The following CDK14 variants were observed in gnomAD, a reference collection of about 807,000 sequenced individuals.
The protein encoded by CDK14 is cyclin dependent kinase 14, also known as cyclin-dependent kinase 14.
CDK14 carries 34 observed loss-of-function variants against 60.7 expected under a neutral mutation model. That is an observed-to-expected ratio of 0.56 (90% CI 0.43 to 0.75). The LOEUF (loss-of-function observed/expected upper bound fraction) is 0.75, where lower values mean the gene tolerates loss of function less well. Among genes scored for constraint, CDK14 ranks in the 30% least tolerant of loss-of-function variants. CDK14 has a pLI of 0.00. For synonymous variants in CDK14, 197 were observed against 203.7 expected (o/e 0.97, Z 0.28); for missense variants, 482 against 564.1 (o/e 0.85, Z 1.47).
intron 2 of CDK14, among the ~76,000 whole-genome samples, chr7:90,640,957 A>G (rs959380215): frequency 6.6e-6 from 1 of 152,172 alleles, no homozygotes; most frequent in African/African-American, 2.4e-5. Flanking sequence ...TGTTTCTTCA[A>G]AGAGGATATA....
intron 6 of CDK14, among the ~76,000 whole-genome samples, chr7:90,889,365 A>G (rs1269911976): frequency 1.3e-5 from 2 of 152,134 alleles, no homozygotes; most frequent in Non-Finnish European, 2.9e-5. Flanking sequence ...GTTTTAATGG[A>G]AGGGATTTTT....
intron 9 of CDK14, among the ~76,000 whole-genome samples, chr7:90,961,468 T>C (rs1794602100): frequency 6.6e-6 from 1 of 152,224 alleles, no homozygotes; most frequent in African/African-American, 2.4e-5. Context: ...ACTCATTTAT[T>C]ACTTTTGCTA....
chr7:90,937,621 G>A (rs1164456067), intron 8 of CDK14, among the ~76,000 whole-genome samples: 3 of 152,162 alleles, frequency 2.0e-5, no homozygotes, highest in African/African-American at 7.2e-5. Context: ...CTAGACCAGA[G>A]GTTGGTAAAC....
intron 8 of CDK14, among the ~76,000 whole-genome samples, chr7:90,933,493 A>G (rs1049234013): frequency 1.3e-5 from 2 of 152,196 alleles, no homozygotes; most frequent in Non-Finnish European, 2.9e-5. Flanking sequence ...TTTTCTATAT[A>G]ACAGTTCGAG....
chr7:90,648,474 TGGTATGGGAGGG>T (rs1280359272), intron 2 of CDK14, among the ~76,000 whole-genome samples: 1 of 152,112 alleles, frequency 6.6e-6, no homozygotes, highest in Non-Finnish European at 1.5e-5. Context: ...TCAGTCCTAT[TGGTATGGGAGGG>T]GGCTACACAG....
chr7:91,114,443 C>CA (rs1055122011), intron 13 of CDK14, among the ~76,000 whole-genome samples: 14 of 152,182 alleles, frequency 9.2e-5, no homozygotes, highest in African/African-American at 3.1e-4. Flanking sequence ...ATTAAAACCA[C>CA]AAAAAATACC....
At chr7:90,768,684 G>T (rs1406697874) in intron 4 of CDK14, among the ~76,000 whole-genome samples, 1 of 152,104 alleles carries the variant, frequency 6.6e-6, no homozygotes, top group Non-Finnish European at 1.5e-5. Flanking sequence ...ATACCGATTG[G>T]ATGCATATTT....
intron 2 of CDK14, among the ~76,000 whole-genome samples, chr7:90,624,366 AAAT>A (rs1473506776): frequency 6.6e-6 from 1 of 152,254 alleles, no homozygotes; most frequent in African/African-American, 2.4e-5. Context: ...CATTAATGAC[AAAT>A]AATGAGTCAC....
chr7:91,006,260 T>C (rs1303036856), intron 10 of CDK14, among the ~76,000 whole-genome samples: 1 of 152,268 alleles, frequency 6.6e-6, no homozygotes, highest in African/African-American at 2.4e-5. Flanking sequence ...CCATTGAAAC[T>C]ACCCTTCCCC....
At chr7:90,782,226 A>G (rs1044094756) in intron 4 of CDK14, among the ~76,000 whole-genome samples, 1 of 152,068 alleles carries the variant, frequency 6.6e-6, no homozygotes, top group Non-Finnish European at 1.5e-5. Flanking sequence ...TTTGTCTATT[A>G]TTGGTGTATA....
At chr7:91,076,487 A>C (rs150638443) in intron 11 of CDK14, among the ~76,000 whole-genome samples, 2 of 152,138 alleles carry the variant, frequency 1.3e-5, no homozygotes, top group Non-Finnish European at 2.9e-5. Flanking sequence ...TACACCTTAT[A>C]CAAAAATTAA....
intron 4 of CDK14, among the ~76,000 whole-genome samples, chr7:90,784,303 T>A (rs1805474876): frequency 6.6e-6 from 1 of 152,064 alleles, no homozygotes; most frequent in South Asian, 2.1e-4. Flanking sequence ...AGGGGTTGAT[T>A]AATAGGCACA....
intron 2 of CDK14, among the ~76,000 whole-genome samples, chr7:90,605,182 A>G (rs1164745670): frequency 2.0e-5 from 3 of 152,178 alleles, no homozygotes; most frequent in Non-Finnish European, 2.9e-5. Context: ...GCTCATGGAA[A>G]GTCCCCTTGG....
intron 10 of CDK14, among the ~76,000 whole-genome samples, chr7:91,010,975 A>T (rs1796144344): frequency 6.6e-6 from 1 of 151,644 alleles, no homozygotes; most frequent in Non-Finnish European, 1.5e-5. Context: ...TCAGGTGAAA[A>T]GCATTCCATC....
chr7:90,673,900 G>T (rs1801147907), intron 2 of CDK14, among the ~76,000 whole-genome samples: 1 of 152,106 alleles, frequency 6.6e-6, no homozygotes, highest in Admixed American at 6.5e-5. Flanking sequence ...ATTTTTCATA[G>T]ATATCAAGGA....
intron 11 of CDK14, among the ~76,000 whole-genome samples, chr7:91,071,587 T>A (rs1227036851): frequency 1.3e-5 from 2 of 152,202 alleles, no homozygotes; most frequent in Non-Finnish European, 2.9e-5. Flanking sequence ...GTCCCAACCA[T>A]GGAGCTGCTC....
intron 14 of CDK14, among the ~76,000 whole-genome samples, chr7:91,125,923 A>G (rs997689098): frequency 6.6e-6 from 1 of 152,200 alleles, no homozygotes; most frequent in African/African-American, 2.4e-5. Flanking sequence ...ACATATAATA[A>G]TTACTGTAAA....
At chr7:91,155,121 G>C (rs143639934) in intron 14 of CDK14, among the ~76,000 whole-genome samples, 1 of 152,176 alleles carries the variant, frequency 6.6e-6, no homozygotes, top group African/African-American at 2.4e-5. Flanking sequence ...GAAAAGTGAG[G>C]ATTGAGAGGA....
chr7:90,708,352 A>G (rs1801946749), intron 2 of CDK14, among the ~76,000 whole-genome samples: 1 of 152,152 alleles, frequency 6.6e-6, no homozygotes, highest in Admixed American at 6.6e-5. Context: ...AGGGATAACC[A>G]ATCACAAAAA....
Sources: gnomAD v4.1 joint callset for allele counts (sites outside exome capture counted in the v4.1 genomes callset) on GRCh38, gnomAD v4.1.1 for gene constraint, MANE v1.5 for transcripts, NCBI Gene and HGNC (gene_info 2026-07-23, HGNC 2026-07-21) for gene names.